Variants in ENTPD1 observed in about 807,000 individuals in gnomAD.
ENTPD1 encodes the protein ectonucleoside triphosphate diphosphohydrolase 1, also known as ATP diphosphohydrolase.
ENTPD1 carries 33 observed loss-of-function variants against 57.0 expected under a neutral mutation model. The observed-to-expected ratio is 0.58, with a 90% CI of 0.44 to 0.77. ENTPD1 has a LOEUF of 0.77. Ranked by LOEUF, ENTPD1 falls within the 30% of genes least tolerant of loss-of-function variation. The probability of loss-of-function intolerance (pLI) is 0.00; values close to 1 mark genes in which losing one functional copy is unlikely to be tolerated. For synonymous variants in ENTPD1, 202 were observed against 218.8 expected (o/e 0.92, Z 0.68); for missense variants, 501 against 603.4 (o/e 0.83, Z 1.78).
At chr10:95,746,330 T>TA (rs1169877959) in intron 1 of ENTPD1, among the ~76,000 whole-genome samples, 5 of 151,820 alleles carry the variant, frequency 3.3e-5, no homozygotes, top group Admixed American at 6.6e-5. Flanking sequence ...TGAAGTAGAT[T>TA]AAAAAAAAGA....
chr10:95,724,506 G>A (rs903445247), intron 1 of ENTPD1, among the ~76,000 whole-genome samples: 1 of 152,136 alleles, frequency 6.6e-6, no homozygotes, highest in African/African-American at 2.4e-5. Context: ...CATGTGGTGA[G>A]TGTTATAGCT....
At chr10:95,759,168 T>C (rs2098044650) in intron 1 of ENTPD1, among the ~76,000 whole-genome samples, 1 of 152,250 alleles carries the variant, frequency 6.6e-6, no homozygotes, top group Admixed American at 6.5e-5. Flanking sequence ...TTCAAGAGGC[T>C]TGTTTAAAAG....
intron 7 of ENTPD1, among the ~76,000 whole-genome samples, chr10:95,854,469 T>G (rs893915512): frequency 6.6e-6 from 1 of 152,234 alleles, no homozygotes. Flanking sequence ...TCTTGCCTTC[T>G]GCTAGCTTTT....
chr10:95,803,379 G>C (rs1324645910), intron 1 of ENTPD1, among the ~76,000 whole-genome samples: 1 of 152,150 alleles, frequency 6.6e-6, no homozygotes, highest in Non-Finnish European at 1.5e-5. Context: ...GTCGTTTCCT[G>C]ACTTTTTAAT....
chr10:95,851,244 A>G (rs550352982), intron 7 of ENTPD1, among the ~76,000 whole-genome samples: 29 of 151,726 alleles, frequency 1.9e-4, no homozygotes, highest in Non-Finnish European at 3.4e-4. Context: ...ATTTATATTT[A>G]TATTTATTTA....
At chr10:95,783,710 TA>T (rs199944809) in intron 1 of ENTPD1, among the ~76,000 whole-genome samples, 13,950 of 135,418 alleles carry the variant, frequency 0.1, 712 homozygotes, top group African/African-American at 0.14. Flanking sequence ...CAGGTAGGCA[TA>T]AAAAAAAAAA....
At position 95,873,028 on chromosome 10, in the gene ENTPD1, A is replaced by G; in HGVS notation, c.*6645A>G. 1 of 969,430 alleles carries G rather than the reference A, an allele frequency of 1.0e-6. No individual in the cohort carries two copies. The highest frequency in any genetic ancestry group is 1.2e-6 in the Non-Finnish European group (1 of 815,422). The allele number at this position is 969,430 out of a possible 1,614,324, so 60.1% of individuals were successfully genotyped here. On this transcript the variant is annotated 3_prime_UTR_variant, in exon 10 of 10. Transcript: ENST00000371205. The stretch of plus-strand genomic sequence containing the variant: ...TCAAAATTTAATGTACATACAAATT[A>G]CCCAGGGATTTTGTTGAAATAAAAA...
chr10:95,705,312 A>G, the ENTPD1 span, among the ~76,000 whole-genome samples: 3 of 122,880 alleles, frequency 2.4e-5, no homozygotes, highest in African/African-American at 8.2e-5. Context: ...GTAAATACAT[A>G]TATTTAACAA....
intron 8 of ENTPD1, among the ~76,000 whole-genome samples, chr10:95,863,377 C>T (rs911104096): frequency 3.3e-5 from 5 of 152,140 alleles, no homozygotes; most frequent in African/African-American, 1.2e-4. Context: ...CCCAAGACTA[C>T]TTCAATAGGG....
At chr10:95,849,329 T>C (rs1891534) in intron 7 of ENTPD1, among the ~76,000 whole-genome samples, 75,612 of 152,116 alleles carry the variant, frequency 0.5, 19,314 homozygotes, top group Admixed American at 0.6. Flanking sequence ...CTATGCACTA[T>C]ATGTATATTA....
At chr10:95,696,095 A>G in the ENTPD1 span, among the ~76,000 whole-genome samples, 2 of 152,160 alleles carry the variant, frequency 1.3e-5, no homozygotes, top group East Asian at 3.8e-4. Context: ...TGTTGGTTGA[A>G]GTAATTTTAG....
chr10:95,868,309 A>G lies in ENTPD1; in HGVS notation c.*1926A>G. On this transcript the variant is annotated 3_prime_UTR_variant, in exon 10 of 10. Transcript: ENST00000371205. ...AAAACTCCACATGAATACAAGGTTC[A>G]TGGGACTTGGTATTCATAGAAAGGG... 1 of 985,464 alleles carries G rather than the reference A, an allele frequency of 1.0e-6. No homozygotes were observed. Among genetic ancestry groups the G allele is most frequent in the Non-Finnish European group, 1.2e-6 (1 of 829,926 alleles). The allele number at this position is 985,464 out of a possible 1,614,324, so 61.0% of individuals were successfully genotyped here. A position where few individuals can be genotyped will look rare whatever the true frequency, so the allele number is the denominator to read the frequency against.
At chr10:95,803,289 T>G (rs2098258222) in intron 1 of ENTPD1, among the ~76,000 whole-genome samples, 1 of 152,212 alleles carries the variant, frequency 6.6e-6, no homozygotes, top group Non-Finnish European at 1.5e-5. Flanking sequence ...CCACACTGTC[T>G]TCCACAATGG....
At chr10:95,864,988 T>C (rs1284732129) in intron 9 of ENTPD1, 127 bp downstream of exon 9, 2 of 1,152,982 alleles carry the variant, frequency 1.7e-6, no homozygotes, top group Non-Finnish European at 2.5e-6. Flanking sequence ...GTTCTGCCAT[T>C]CTGCTTCAAA....
chr10:95,732,085 A>C (rs894640929), intron 1 of ENTPD1, among the ~76,000 whole-genome samples: 16 of 152,014 alleles, frequency 1.1e-4, no homozygotes, highest in Admixed American at 7.2e-4. Flanking sequence ...GTCCGGCCAG[A>C]GTGGACATCC....
In ENTPD1 at chr10:95,871,811, A is replaced by G; in HGVS notation, c.*5428A>G. The G allele has an allele frequency of 1.0e-6, 1 of 985,474 alleles. No individual in the cohort carries two copies. The highest frequency in any genetic ancestry group is 1.2e-6 in the Non-Finnish European group (1 of 829,940). 61.0% of individuals were successfully genotyped at this position (985,474 alleles called of 1,614,324 possible). On this transcript the variant is annotated 3_prime_UTR_variant, in exon 10 of 10. Coordinates refer to ENST00000371205, the MANE Select transcript of ENTPD1 (RefSeq NM_001776.6). ...TGTATGTTGAATAGCAAAGTTCATC[A>G]GAGAACATGTATTAGTCAATGGTAA...
intron 1 of ENTPD1, among the ~76,000 whole-genome samples, chr10:95,806,403 T>G (rs1467369454): frequency 6.6e-6 from 1 of 152,096 alleles, no homozygotes; most frequent in Non-Finnish European, 1.5e-5. Flanking sequence ...TAACCTAAGG[T>G]TTTTAGCTTT....
the ENTPD1 span, among the ~76,000 whole-genome samples, chr10:95,699,531 C>G: frequency 6.6e-6 from 1 of 151,746 alleles, no homozygotes. Context: ...TCACTTGAGC[C>G]CAAGAGGTTG....
At chr10:95,733,052 C>T (rs1043648304) in intron 1 of ENTPD1, among the ~76,000 whole-genome samples, 8 of 152,060 alleles carry the variant, frequency 5.3e-5, no homozygotes, top group Non-Finnish European at 1.0e-4. Context: ...ATTTACTCAC[C>T]GTAATAGGCC....
Sources: allele counts gnomAD v4.1 joint callset (sites outside exome capture counted in the v4.1 genomes callset), GRCh38; gene constraint gnomAD v4.1.1; transcripts MANE v1.5; gene names NCBI Gene and HGNC (gene_info 2026-07-23, HGNC 2026-07-21).